Variants in ADGRB3 observed in about 807,000 individuals in gnomAD.
ADGRB3 encodes the protein adhesion G protein-coupled receptor B3, also known as brain-specific angiogenesis inhibitor 3.
In ADGRB3, 37 loss-of-function variants were observed where a neutral mutation model predicts 193.4. The ratio of observed to expected loss-of-function variants is 0.19; its 90% CI spans 0.15 to 0.25. The LOEUF (loss-of-function observed/expected upper bound fraction) is 0.25. ADGRB3 is among the 10% of genes least tolerant of loss of function. The probability of loss-of-function intolerance (pLI) is 1.00; values close to 1 mark genes in which losing one functional copy is unlikely to be tolerated. For synonymous variants in ADGRB3, 690 were observed against 644.2 expected (o/e 1.07, Z -1.08); for missense variants, 1,637 against 1,852.9 (o/e 0.88, Z 2.14).
At chr6:68,737,664 A>G (rs1397044791) in intron 3 of ADGRB3, among the ~76,000 whole-genome samples, 1 of 152,136 alleles carries the variant, frequency 6.6e-6, no homozygotes, top group African/African-American at 2.4e-5. Flanking sequence ...AGACAGTCCA[A>G]ACATAAATTG....
At chr6:68,649,023 G>A (rs1273057785) in intron 3 of ADGRB3, among the ~76,000 whole-genome samples, 1 of 151,814 alleles carries the variant, frequency 6.6e-6, no homozygotes, top group Non-Finnish European at 1.5e-5. Flanking sequence ...CAATAACTGT[G>A]TCAGTTACAT....
intron 3 of ADGRB3, among the ~76,000 whole-genome samples, chr6:68,686,607 G>T (rs140773529): frequency 2.6e-3 from 401 of 152,252 alleles, no homozygotes; most frequent in African/African-American, 9.4e-3. Context: ...AGTGGAGTTT[G>T]CTCAACTTTA....
At chr6:68,763,561 A>C (rs573714662) in intron 3 of ADGRB3, among the ~76,000 whole-genome samples, 1 of 152,326 alleles carries the variant, frequency 6.6e-6, no homozygotes, top group Non-Finnish European at 1.5e-5. Flanking sequence ...AAAGGCTGGT[A>C]GAATTACTGA....
intron 17 of ADGRB3, among the ~76,000 whole-genome samples, chr6:69,191,068 G>T (rs1436966904): frequency 6.6e-6 from 1 of 152,128 alleles, no homozygotes; most frequent in Non-Finnish European, 1.5e-5. Flanking sequence ...TGGTGTTGTT[G>T]AGTTTACAAA....
At chr6:69,029,717 A>G (rs1770568244) in intron 13 of ADGRB3, among the ~76,000 whole-genome samples, 1 of 152,140 alleles carries the variant, frequency 6.6e-6, no homozygotes, top group Non-Finnish European at 1.5e-5. Flanking sequence ...CTTGAGTAGT[A>G]TATCTTTCTA....
intron 3 of ADGRB3, among the ~76,000 whole-genome samples, chr6:68,681,878 T>G (rs188632687): frequency 6.6e-6 from 1 of 152,344 alleles, no homozygotes; most frequent in African/African-American, 2.4e-5. Context: ...CATTTTACTC[T>G]GTCTGGTATG....
At chr6:69,075,942 C>T (rs1176185425) in intron 16 of ADGRB3, 53 bp from the exon 17 acceptor site, 2 of 1,365,710 alleles carry the variant, frequency 1.5e-6, no homozygotes, top group Non-Finnish European at 2.1e-6. Flanking sequence ...ATCCCTCAAT[C>T]TTTTTATATA....
rs201301230 is a variant in ADGRB3 at position 69,031,519 on chromosome 6, C to CTCTTTCTTTCTTTCTTTCTTTCTT, written c.2107+13030_2107+13053dup. Among the ~76,000 whole-genome samples, 69 of 21,264 alleles carry CTCTTTCTTTCTTTCTTTCTTTCTT rather than the reference C, an allele frequency of 3.2e-3. 9 individuals are homozygous for CTCTTTCTTTCTTTCTTTCTTTCTT. Among genetic ancestry groups the CTCTTTCTTTCTTTCTTTCTTTCTT allele is most frequent in the South Asian group, 0.032 (12 of 370 alleles). The allele number at this position is 21,264 out of a possible 152,430, so 14.0% of individuals were successfully genotyped here. A position where few individuals can be genotyped will look rare whatever the true frequency, so the allele number is the denominator to read the frequency against. On this transcript the variant is annotated intron_variant, in intron 13 of 31. Transcript: ENST00000370598. ...CACAAACATTTTGAATTTGAGTTGT[C>CTCTTTCTTTCTTTCTTTCTTTCTT]TCTTTCTTTCTTTCTTTCTTTCTTT...
At chr6:68,775,638 T>G (rs1766732250) in intron 3 of ADGRB3, among the ~76,000 whole-genome samples, 1 of 152,146 alleles carries the variant, frequency 6.6e-6, no homozygotes, top group South Asian at 2.1e-4. Context: ...ATTCAAAAGT[T>G]TCTTCTCTGA....
intron 16 of ADGRB3, among the ~76,000 whole-genome samples, chr6:69,074,646 G>T (rs1279465227): frequency 6.6e-6 from 1 of 151,140 alleles, no homozygotes; most frequent in Non-Finnish European, 1.5e-5. Flanking sequence ...CTGGGTTGAC[G>T]ACATTCTCCT....
intron 3 of ADGRB3, among the ~76,000 whole-genome samples, chr6:68,769,501 A>G (rs1028865011): frequency 6.6e-6 from 1 of 152,132 alleles, no homozygotes; most frequent in African/African-American, 2.4e-5. Flanking sequence ...GAACACATGG[A>G]CACAGGGAGG....
At chr6:69,339,045 A>T in intron 25 of ADGRB3, 31 bp downstream of exon 25, 1 of 1,609,134 alleles carries the variant, frequency 6.2e-7, no homozygotes. Flanking sequence ...TCTTCTTGTT[A>T]CAAATCTTTT....
chr6:68,944,193 A>G (rs1226390116), intron 6 of ADGRB3, among the ~76,000 whole-genome samples, 199 bp downstream of exon 6: 2 of 152,176 alleles, frequency 1.3e-5, no homozygotes, highest in African/African-American at 4.8e-5. Context: ...TTTAGTGTCA[A>G]TCAACATTTA....
intron 6 of ADGRB3, among the ~76,000 whole-genome samples, chr6:68,949,424 T>G (rs762664746): frequency 6.6e-6 from 1 of 152,104 alleles, no homozygotes; most frequent in East Asian, 1.9e-4. Context: ...CACCTAAGAG[T>G]AGGGCCTCAT....
intron 3 of ADGRB3, among the ~76,000 whole-genome samples, chr6:68,687,439 A>C (rs1269653706): frequency 3.3e-5 from 5 of 152,148 alleles, no homozygotes; most frequent in African/African-American, 1.2e-4. Flanking sequence ...AACATGTCTG[A>C]ACAGGATCTG....
intron 3 of ADGRB3, among the ~76,000 whole-genome samples, chr6:68,782,998 C>A (rs953175079): frequency 6.6e-6 from 1 of 151,906 alleles, no homozygotes; most frequent in Non-Finnish European, 1.5e-5. Flanking sequence ...AGGTGACCAT[C>A]ATGTAAACAA....
chr6:69,113,438 A>G (rs559912013), intron 17 of ADGRB3, among the ~76,000 whole-genome samples: 1 of 152,046 alleles, frequency 6.6e-6, no homozygotes, highest in Non-Finnish European at 1.5e-5. Flanking sequence ...TTTAATTTTT[A>G]TGTATTTTTA....
chr6:69,172,191 T>A (rs1241776793), intron 17 of ADGRB3, among the ~76,000 whole-genome samples: 1 of 152,192 alleles, frequency 6.6e-6, no homozygotes, highest in African/African-American at 2.4e-5. Flanking sequence ...AATGTCTATT[T>A]GTCTACAACC....
At chr6:69,326,263 G>T (rs905972906) in intron 21 of ADGRB3, among the ~76,000 whole-genome samples, 1 of 152,154 alleles carries the variant, frequency 6.6e-6, no homozygotes, top group African/African-American at 2.4e-5. Flanking sequence ...AAAAGTTGAA[G>T]ACTTTGTTCT....
Sources: allele counts gnomAD v4.1 joint callset (sites outside exome capture counted in the v4.1 genomes callset), GRCh38; gene constraint gnomAD v4.1.1; transcripts MANE v1.5; gene names NCBI Gene and HGNC (gene_info 2026-07-23, HGNC 2026-07-21).